TEX36: variants seen among roughly 807,000 people sequenced by gnomAD.
TEX36 encodes testis-expressed protein 36.
In TEX36, 12 loss-of-function variants were observed where a neutral mutation model predicts 13.6. The ratio of observed to expected loss-of-function variants is 0.88; its 90% CI spans 0.56 to 1.43. The LOEUF is 1.43. Ranked by LOEUF, TEX36 falls within the 40% of genes most tolerant of loss-of-function variation. The pLI is 0.00. For synonymous variants in TEX36, 93 were observed against 83.0 expected (o/e 1.12, Z -0.65); for missense variants, 224 against 228.3 (o/e 0.98, Z 0.12).
intron 1 of TEX36, among the ~76,000 whole-genome samples, chr10:125,681,351 G>C (rs1476835369): frequency 6.6e-6 from 1 of 152,214 alleles, no homozygotes; most frequent in South Asian, 2.1e-4. Flanking sequence ...ACTTTAGTCA[G>C]CCTTCTATAA....
At chr10:125,617,314 T>A (rs937107605), downstream of TEX36, among the ~76,000 whole-genome samples, 1 of 151,698 alleles carries the variant, frequency 6.6e-6, no homozygotes, top group African/African-American at 2.4e-5. Flanking sequence ...TATGTATGAA[T>A]TTGATCCTGT....
intron 3 of TEX36, among the ~76,000 whole-genome samples, chr10:125,599,544 A>T (rs1846120550): frequency 6.6e-6 from 1 of 152,166 alleles, no homozygotes; most frequent in Non-Finnish European, 1.5e-5. Flanking sequence ...TGCATGCTGG[A>T]GGACCTGGAT....
chr10:125,600,183 C>T (rs891863588), intron 3 of TEX36, among the ~76,000 whole-genome samples: 12 of 152,150 alleles, frequency 7.9e-5, no homozygotes, highest in Admixed American at 2.0e-4. Flanking sequence ...ATGAGCTGGG[C>T]CAATCCAATT....
intron 3 of TEX36, among the ~76,000 whole-genome samples, chr10:125,604,200 G>A (rs779278162): frequency 4.6e-5 from 7 of 152,116 alleles, no homozygotes; most frequent in Non-Finnish European, 8.8e-5. Flanking sequence ...TAGGAACCAG[G>A]CCACACAGCA....
intron 3 of TEX36, among the ~76,000 whole-genome samples, chr10:125,585,600 G>C (rs182004280): frequency 6.6e-6 from 1 of 152,186 alleles, no homozygotes; most frequent in Admixed American, 6.5e-5. Context: ...TCATGGGACA[G>C]GTGTCCTACC....
At position 125,670,224 on chromosome 10, in the gene TEX36, A is replaced by C. The variant is rs527731603; in HGVS notation, c.52-8247T>G. ...ACATTCCCACCAATAGCGTAAAAGC[A>C]TTCCTATTTCTCCATAGCCTCACTA... On this transcript the variant is annotated intron_variant, in intron 1 of 3. Coordinates refer to ENST00000368821, the MANE Select transcript of TEX36 (RefSeq NM_001128202.3). 2.6e-5 allele frequency among the ~76,000 whole-genome samples: 4 copies of C among 152,314 alleles called. No individual in the cohort carries two copies. In the East Asian group the frequency reaches 7.7e-4, roughly 29 times the overall value.
intron 1 of TEX36, chr10:125,667,081 C>T: frequency 8.4e-7 from 1 of 1,193,196 alleles, no homozygotes; most frequent in South Asian, 1.2e-5. Context: ...TCACAGGGAG[C>T]ACTTGTTAAT....
At chr10:125,640,782 C>A (rs1445136963) in intron 3 of TEX36, among the ~76,000 whole-genome samples, 1 of 152,060 alleles carries the variant, frequency 6.6e-6, no homozygotes, top group African/African-American at 2.4e-5. Flanking sequence ...GGTCCCAGTG[C>A]CATGCTAGGA....
intron 3 of TEX36, among the ~76,000 whole-genome samples, chr10:125,647,862 C>T (rs551527169): frequency 7.9e-5 from 12 of 152,304 alleles, no homozygotes; most frequent in Non-Finnish European, 1.3e-4. Flanking sequence ...TTATATCCCG[C>T]GCCTGGCTCA....
chr10:125,683,065 T>C lies in TEX36; in HGVS notation c.-76A>G. ...AAGCTCTACATGTCTGGGAAGCTGC[T>C]TCCTAAACTTCATAAGCTCTACACG... On this transcript the variant is annotated 5_prime_UTR_variant, in exon 1 of 4. Transcript: ENST00000368821. The C allele has an allele frequency of 6.8e-7, 1 of 1,481,194 alleles. No individual in the cohort carries two copies. The highest frequency in any genetic ancestry group is 9.2e-7 in the Non-Finnish European group (1 of 1,083,048). The allele number at this position is 1,481,194 out of a possible 1,614,324, so 91.8% of individuals were successfully genotyped here.
intron 1 of TEX36, 53 bp from the exon 2 acceptor site, chr10:125,662,030 G>A: frequency 6.4e-7 from 1 of 1,550,838 alleles, no homozygotes; most frequent in Non-Finnish European, 8.7e-7. Context: ...GAATCTACAA[G>A]CCAAGTATCA....
At chr10:125,576,552 T>C in exon 4 of TEX36, 1 of 699,324 alleles carries the variant, frequency 1.4e-6, no homozygotes, top group Admixed American at 3.0e-5. Flanking sequence ...GCCCTATTAA[T>C]ACCTGCGCCC....
chr10:125,623,658 C>T (rs904392548), intron 3 of TEX36, among the ~76,000 whole-genome samples: 1 of 151,652 alleles, frequency 6.6e-6, no homozygotes, highest in Admixed American at 6.6e-5. Flanking sequence ...AGGTGCGAGG[C>T]CCTGTACGGG....
intron 3 of TEX36, among the ~76,000 whole-genome samples, chr10:125,608,311 T>A (rs1846240903): frequency 6.6e-6 from 1 of 152,126 alleles, no homozygotes; most frequent in Non-Finnish European, 1.5e-5. Context: ...ACTATACATT[T>A]GTCGGGAAAA....
At chr10:125,632,943 T>C (rs964969579) in intron 3 of TEX36, among the ~76,000 whole-genome samples, 14 of 152,080 alleles carry the variant, frequency 9.2e-5, no homozygotes, top group Non-Finnish European at 2.1e-4. Context: ...GGCCAATATA[T>C]GAAACCCCGT....
intron 1 of TEX36, among the ~76,000 whole-genome samples, chr10:125,679,080 A>G (rs1474570038): frequency 6.6e-6 from 1 of 151,222 alleles, no homozygotes; most frequent in African/African-American, 2.4e-5. Flanking sequence ...TTTGCCCTCC[A>G]ACCTTGGCAG....
At chr10:125,604,457 C>T (rs934598483) in intron 3 of TEX36, among the ~76,000 whole-genome samples, 1 of 152,122 alleles carries the variant, frequency 6.6e-6, no homozygotes, top group African/African-American at 2.4e-5. Context: ...GGGAGGATCA[C>T]TTAAGTCTAG....
intron 3 of TEX36, among the ~76,000 whole-genome samples, chr10:125,607,104 C>T (rs750630482): frequency 2.0e-5 from 3 of 152,234 alleles, no homozygotes; most frequent in Non-Finnish European, 4.4e-5. Context: ...CACTTGGGTG[C>T]TGCAGTCCTG....
At chr10:125,659,924 G>A (rs1233882236) in intron 3 of TEX36, among the ~76,000 whole-genome samples, 2 of 152,120 alleles carry the variant, frequency 1.3e-5, no homozygotes, top group African/African-American at 4.8e-5. Context: ...TCCCTGTGCT[G>A]TGCAGTCTGG....
Sources: gnomAD v4.1 joint callset for allele counts (sites outside exome capture counted in the v4.1 genomes callset) on GRCh38, gnomAD v4.1.1 for gene constraint, MANE v1.5 for transcripts, NCBI Gene and HGNC (gene_info 2026-07-23, HGNC 2026-07-21) for gene names.